The following STXBP5L variants were observed in gnomAD, a reference collection of about 807,000 sequenced individuals.
STXBP5L encodes syntaxin binding protein 5L, also known as syntaxin-binding protein 5-like.
STXBP5L carries 65 observed loss-of-function variants against 144.5 expected under a neutral mutation model. That is an observed-to-expected ratio of 0.45 (90% CI 0.37 to 0.55). The LOEUF is 0.55. Among genes scored for constraint, STXBP5L ranks in the 20% least tolerant of loss-of-function variants. The pLI is 0.00. For synonymous variants in STXBP5L, 505 were observed against 469.6 expected, an observed-to-expected ratio of 1.08 and a Z score of -0.97; for missense variants, 1,298 against 1,405.5, an observed-to-expected ratio of 0.92 and a Z score of 1.22.
At chr3:121,006,575 G>C (rs1335795264) in intron 3 of STXBP5L, among the ~76,000 whole-genome samples, 1 of 152,144 alleles carries the variant, frequency 6.6e-6, no homozygotes, top group Non-Finnish European at 1.5e-5. Flanking sequence ...TGTTATGTAT[G>C]AATTTGATCC....
intron 20 of STXBP5L, among the ~76,000 whole-genome samples, chr3:121,351,652 T>C (rs1357642016): frequency 2.0e-5 from 3 of 152,186 alleles, no homozygotes; most frequent in Admixed American, 6.5e-5. Context: ...CTGTTCACTC[T>C]GATGGTAGTT....
At chr3:121,175,683 A>G (rs1167040043) in intron 9 of STXBP5L, among the ~76,000 whole-genome samples, 1 of 152,102 alleles carries the variant, frequency 6.6e-6, no homozygotes, top group African/African-American at 2.4e-5. Flanking sequence ...AACAAATAGA[A>G]AATAACAAAT....
Position 121,044,192 on chromosome 3 carries a change from G to A in STXBP5L, c.370-1243G>A, listed in dbSNP as rs916242651. On this transcript the variant is annotated intron_variant, in intron 4 of 26. Transcript: ENST00000471454. The stretch of plus-strand genomic sequence containing the variant: ...TGTATGTATGTAATTAGATATAAAT[G>A]TGCAAATCATACAAATTTCTAAATA... 9.2e-5 allele frequency among the ~76,000 whole-genome samples: 14 copies of A among 152,106 alleles called. No individual in the cohort carries two copies. In the East Asian group the frequency reaches 2.5e-3, roughly 27 times the overall value.
At chr3:121,216,506 A>T (rs1193910245) in intron 10 of STXBP5L, among the ~76,000 whole-genome samples, 1 of 152,132 alleles carries the variant, frequency 6.6e-6, no homozygotes, top group Non-Finnish European at 1.5e-5. Flanking sequence ...GGTTATCACC[A>T]CGGGAGTCTG....
rs190524367 is a variant in STXBP5L, at chr3:121,166,510, A to T, written c.877+8883A>T. 2.6e-5 allele frequency among the ~76,000 whole-genome samples: 4 copies of T among 152,288 alleles called. No individual in the cohort carries two copies. The East Asian group carries it at 7.7e-4, about 29-fold the overall frequency. The stretch of plus-strand genomic sequence containing the variant: ...GCAGATTATAATTTTACATATTCAT[A>T]ATTTGCAAATCTAATAATCTTTTGG... On this transcript the variant is annotated intron_variant, in intron 9 of 26. Coordinates refer to ENST00000471454, the MANE Select transcript of STXBP5L (RefSeq NM_001308330.2).
intron 6 of STXBP5L, among the ~76,000 whole-genome samples, chr3:121,117,916 A>G (rs2044300811): frequency 6.6e-6 from 1 of 151,826 alleles, no homozygotes; most frequent in Non-Finnish European, 1.5e-5. Context: ...ATCATTAAAA[A>G]ATATTTATAT....
intron 9 of STXBP5L, among the ~76,000 whole-genome samples, chr3:121,174,524 G>A (rs1192710392): frequency 6.6e-6 from 1 of 152,090 alleles, no homozygotes; most frequent in Non-Finnish European, 1.5e-5. Flanking sequence ...TTTGAAATCT[G>A]GGGAGAGAAA....
At position 120,962,843 on chromosome 3, in the gene STXBP5L, T is replaced by G. The variant is rs764218885; in HGVS notation, c.287+7806T>G. Reference sequence around the variant, plus strand: ...ATTGGTAGCTTGATGGGGATGGCATTGAATCTATAAATTACCTTGGGCAGT... The same window carrying G: ...ATTGGTAGCTTGATGGGGATGGCATGGAATCTATAAATTACCTTGGGCAGT... On this transcript the variant is annotated intron_variant, in intron 3 of 26. Transcript: ENST00000471454. Among the ~76,000 whole-genome samples the G allele has an allele frequency of 7.7e-4, 117 of 152,354 alleles. 1 individual carries two copies. The highest frequency in any genetic ancestry group is 3.4e-3 in the Middle Eastern group (1 of 294).
At chr3:121,131,465 C>T (rs1341416991) in intron 7 of STXBP5L, among the ~76,000 whole-genome samples, 1 of 152,060 alleles carries the variant, frequency 6.6e-6, no homozygotes, top group Non-Finnish European at 1.5e-5. Context: ...GCTACATAGA[C>T]TGTTCTTAAA....
At chr3:121,352,204 T>A (rs2045315887) in intron 20 of STXBP5L, among the ~76,000 whole-genome samples, 2 of 152,144 alleles carry the variant, frequency 1.3e-5, no homozygotes, top group Admixed American at 1.3e-4. Context: ...AAAGTATTTT[T>A]TTCCAATTCT....
intron 5 of STXBP5L, among the ~76,000 whole-genome samples, chr3:121,098,130 C>G (rs1164636126): frequency 6.6e-6 from 1 of 152,134 alleles, no homozygotes; most frequent in Admixed American, 6.5e-5. Flanking sequence ...ATTATATTAT[C>G]TAATATCTTG....
At chr3:121,281,700 G>A (rs2051065512) in intron 19 of STXBP5L, among the ~76,000 whole-genome samples, 1 of 151,904 alleles carries the variant, frequency 6.6e-6, no homozygotes, top group South Asian at 2.1e-4. Flanking sequence ...AACCTTAACA[G>A]TTACTACTAG....
intron 20 of STXBP5L, among the ~76,000 whole-genome samples, chr3:121,353,932 G>C (rs954418729): frequency 6.6e-6 from 1 of 152,046 alleles, no homozygotes; most frequent in Non-Finnish European, 1.5e-5. Flanking sequence ...CCTTCAATTC[G>C]TTATTTACCC....
chr3:121,011,352 C>G (rs1944759627), intron 3 of STXBP5L, among the ~76,000 whole-genome samples: 1 of 151,338 alleles, frequency 6.6e-6, no homozygotes, highest in Non-Finnish European at 1.5e-5. Flanking sequence ...CTGGTTGTTG[C>G]CAGTACCTAT....
intron 11 of STXBP5L, among the ~76,000 whole-genome samples, chr3:121,226,036 A>C (rs1328120632): frequency 6.6e-6 from 1 of 152,174 alleles, no homozygotes; most frequent in Non-Finnish European, 1.5e-5. Flanking sequence ...GAGCTGAAAA[A>C]AATATTGTTG....
chr3:121,291,479 T>C (rs1310833031), intron 19 of STXBP5L, among the ~76,000 whole-genome samples: 1 of 151,954 alleles, frequency 6.6e-6, no homozygotes, highest in Non-Finnish European at 1.5e-5. Context: ...GACCATGCTA[T>C]CAAAAGCAAT....
chr3:120,982,954 T>G (rs1941933977), intron 3 of STXBP5L, among the ~76,000 whole-genome samples: 1 of 152,156 alleles, frequency 6.6e-6, no homozygotes, highest in Non-Finnish European at 1.5e-5. Flanking sequence ...TGGTCCCCAG[T>G]CCTGCAGCAG....
chr3:121,249,859 A>C (rs1285342251), intron 14 of STXBP5L, among the ~76,000 whole-genome samples: 1 of 152,040 alleles, frequency 6.6e-6, no homozygotes, highest in East Asian at 1.9e-4. Flanking sequence ...TGGTTATAGA[A>C]ATTTCCTGTG....
rs181997446 is a variant in STXBP5L, at chr3:120,978,817, C to A, written c.287+23780C>A. ...AGTTTGCTAGAGGTCCACTCCAGAC[C>A]CTGTTTGCCTCGGTATCAGCAGCGG... On this transcript the variant is annotated intron_variant, in intron 3 of 26. Coordinates refer to ENST00000471454, the MANE Select transcript of STXBP5L (RefSeq NM_001308330.2). Among the ~76,000 whole-genome samples the A allele has an allele frequency of 1.3e-3, 193 of 152,290 alleles. 1 individual carries two copies. Among genetic ancestry groups the A allele is most frequent in the East Asian group, 5.6e-3 (29 of 5,178 alleles).
Sources: allele counts gnomAD v4.1 joint callset (sites outside exome capture counted in the v4.1 genomes callset), GRCh38; gene constraint gnomAD v4.1.1; transcripts MANE v1.5; gene names NCBI Gene and HGNC (gene_info 2026-07-23, HGNC 2026-07-21).